KPNA2: variants seen among roughly 807,000 people sequenced by gnomAD.
KPNA2 encodes the protein importin subunit alpha-1.
A neutral mutation model predicts 53.7 loss-of-function variants in KPNA2; 20 were observed. The observed-to-expected ratio is 0.37, with a 90% CI of 0.26 to 0.54. The LOEUF (loss-of-function observed/expected upper bound fraction) is 0.54, where lower values mean the gene tolerates loss of function less well. KPNA2 is among the 20% of genes least tolerant of loss of function. The pLI is 0.83. For missense variants in KPNA2, 515 were observed against 640.3 expected (o/e 0.80, Z 2.11); for synonymous variants, 238 against 227.5 (o/e 1.05, Z -0.42).
At chr17:68,038,004 T>C (rs1413854977) in intron 3 of KPNA2, among the ~76,000 whole-genome samples, 3 of 151,908 alleles carry the variant, frequency 2.0e-5, no homozygotes, top group Non-Finnish European at 4.4e-5. Context: ...TGAGACAGAG[T>C]TTTGCTCTGT....
intron 4 of KPNA2, 82 bp from the exon 5 acceptor site, chr17:68,042,003 A>C: frequency 1.6e-6 from 2 of 1,225,178 alleles, no homozygotes; most frequent in Non-Finnish European, 2.3e-6. Flanking sequence ...TAAACTCTTG[A>C]ATTGCATTTT....
chr17:68,038,837 G>A (rs1489765453), intron 3 of KPNA2, among the ~76,000 whole-genome samples: 1 of 152,178 alleles, frequency 6.6e-6, no homozygotes, highest in Non-Finnish European at 1.5e-5. Flanking sequence ...AGGCAACATA[G>A]GAAGACCTCG....
rs782293769 is a variant in KPNA2 at position 68,045,935 on chromosome 17, G to A, written c.1497+14G>A. On this transcript the variant is annotated intron_variant, in intron 10 of 10. Coordinates refer to ENST00000330459, the MANE Select transcript of KPNA2 (RefSeq NM_002266.4). Reference sequence around the variant, plus strand: ...TTCTCTGTAGAGGTGAGTAATGGATGGTAATATTAATAACAACTTGGAAAC... The same window carrying A: ...TTCTCTGTAGAGGTGAGTAATGGATAGTAATATTAATAACAACTTGGAAAC... 15 of 1,481,950 alleles carry A rather than the reference G, an allele frequency of 1.0e-5. No homozygotes were observed. Among genetic ancestry groups the A allele is most frequent in the African/African-American group, 2.8e-5 (2 of 70,616 alleles). 91.8% of individuals were successfully genotyped at this position (1,481,950 alleles called of 1,614,324 possible).
At chr17:68,039,493 A>G (rs1555704223) in intron 3 of KPNA2, among the ~76,000 whole-genome samples, 1 of 150,902 alleles carries the variant, frequency 6.6e-6, no homozygotes, top group Non-Finnish European at 1.5e-5. Flanking sequence ...AGATATGAAA[A>G]TCCTCGGCCG....
At chr17:68,041,446 G>A (rs1467249795) in intron 4 of KPNA2, among the ~76,000 whole-genome samples, 2 of 152,116 alleles carry the variant, frequency 1.3e-5, no homozygotes, top group Non-Finnish European at 2.9e-5. Flanking sequence ...GTAATCTCAC[G>A]TGTTTGGGAG....
Position 68,042,947 on chromosome 17 carries a change from C to T in KPNA2, c.614C>T (p.Ala205Val), listed in dbSNP as rs200169734. 1.2e-6 allele frequency: 2 copies of T among 1,613,272 alleles called. No individual in the cohort carries two copies. Among genetic ancestry groups the T allele is most frequent in the East Asian group, 2.2e-5 (1 of 44,860 alleles). Residue 205 changes from alanine (A) to valine (V), a missense_variant, in exon 6 of 11, where the codon GCA becomes GTA. Ala to Val is a moderately conservative substitution (Grantham distance 64, BLOSUM62 0). Coordinates refer to ENST00000330459, the MANE Select transcript of KPNA2 (RefSeq NM_002266.4). Reference sequence around the variant, plus strand: ...CGAGACTTGGTTATTAAGTACGGTGCAGTTGACCCACTGTTGGCTCTCCTT... The same window carrying T: ...CGAGACTTGGTTATTAAGTACGGTGTAGTTGACCCACTGTTGGCTCTCCTT... ...VFRDLVIKYG[A>V]VDPLLALLAV...
intron 3 of KPNA2, among the ~76,000 whole-genome samples, chr17:68,038,386 G>A (rs1210365083): frequency 4.6e-5 from 7 of 152,158 alleles, no homozygotes; most frequent in East Asian, 1.9e-4. Context: ...GATTACAAGC[G>A]TGAGCCACCA....
chr17:68,043,132 T>C lies in KPNA2; in HGVS notation c.699T>C (p.Leu233=). 1 of 1,614,154 alleles carries C rather than the reference T, an allele frequency of 6.2e-7. No homozygotes were observed. Among genetic ancestry groups the C allele is most frequent in the Admixed American group, 1.7e-5 (1 of 60,014 alleles). Residue 233 remains leucine (L), a synonymous_variant, in exon 7 of 11, where the codon CTT becomes CTC. Transcript: ENST00000330459. ...ACTTACGTAATCTTACCTGGACACT[T>C]TCTAATCTTTGCCGCAACAAGAATC... ...CGYLRNLTWT[L]SNLCRNKNPA... is the part of the protein sequence containing the mutation.
At position 68,044,461 on chromosome 17, in the gene KPNA2, GA is replaced by G. The variant is rs2071305270; in HGVS notation, c.1306del (p.Ile436LeufsTer19). ...MNLLTAKDTK[I>X]ILVILDAISN... ...ACCTCTTAACTGCAAAAGATACCAAGATTATTCTGGTTATCCTGGATGCCAT... is the reference window on the plus strand; with the variant it reads ...ACCTCTTAACTGCAAAAGATACCAAGTTATTCTGGTTATCCTGGATGCCAT... On this transcript the variant is annotated frameshift_variant, in exon 9 of 11. Transcript: ENST00000330459. LOFTEE classifies it high-confidence loss of function. 1 of 1,613,834 alleles carries G rather than the reference GA, an allele frequency of 6.2e-7. No individual in the cohort carries two copies. Among genetic ancestry groups the G allele is most frequent in the Non-Finnish European group, 8.5e-7 (1 of 1,179,880 alleles).
intron 10 of KPNA2, among the ~76,000 whole-genome samples, chr17:68,046,186 G>A (rs1275587785): frequency 1.3e-5 from 2 of 152,142 alleles, no homozygotes; most frequent in African/African-American, 4.8e-5. Flanking sequence ...TAAGTTAACG[G>A]GTGTCATTGT....
intron 2 of KPNA2, 32 bp from the exon 3 acceptor site, chr17:68,037,326 A>T (rs1410698168): frequency 6.2e-7 from 1 of 1,604,702 alleles, no homozygotes; most frequent in Non-Finnish European, 8.5e-7. Context: ...AACTGGTGTG[A>T]TAGGTGAAAC....
rs782516472 is a variant in KPNA2, at chr17:68,037,491, A to G, written c.209A>G (p.Asn70Ser). ...ATSPLQENRNNQGTVNWSVDD... is the reference protein window; with the variant it reads ...ATSPLQENRNSQGTVNWSVDD... ...TCTCCGCTGCAGGAAAACCGCAACA[A>G]CCAGGTAAAAAATGTATTTTAGTTT... Residue 70 changes from asparagine to serine, a missense_variant, in exon 3 of 11, where the codon AAC (asparagine) becomes AGC (serine). Physicochemically the swap from Asn to Ser is conservative, Grantham distance 46. Transcript: ENST00000330459. 2 of 1,611,764 alleles carry G rather than the reference A, an allele frequency of 1.2e-6. No individual in the cohort carries two copies. Among genetic ancestry groups the G allele is most frequent in the Non-Finnish European group, 8.5e-7 (1 of 1,179,182 alleles).
intron 5 of KPNA2, among the ~76,000 whole-genome samples, 185 bp downstream of exon 5, chr17:68,042,538 C>T (rs1488616485): frequency 6.6e-6 from 1 of 152,136 alleles, no homozygotes; most frequent in Non-Finnish European, 1.5e-5. Context: ...GGAGTTTTTG[C>T]TGGTGCATTC....
intron 4 of KPNA2, among the ~76,000 whole-genome samples, chr17:68,041,716 C>G (rs1364940189): frequency 1.3e-5 from 2 of 152,034 alleles, no homozygotes; most frequent in African/African-American, 4.8e-5. Context: ...GAGTGAGATC[C>G]TATTTCAAAA....
rs368573898 is a variant in KPNA2, at chr17:68,040,781, C to T, written c.302+15C>T. On this transcript the variant is annotated intron_variant, in intron 4 of 10. Coordinates refer to ENST00000330459, the MANE Select transcript of KPNA2 (RefSeq NM_002266.4). The stretch of plus-strand genomic sequence containing the variant: ...CAAGCTGCCAGGTAAGTCTTGTCTG[C>T]GATAGCATGGGTAGCCTAAGAAATT... 3.9e-6 allele frequency: 6 copies of T among 1,542,718 alleles called. No homozygotes were observed. Among genetic ancestry groups the T allele is most frequent in the Admixed American group, 1.7e-5 (1 of 58,366 alleles).
At chr17:68,043,767 C>T (rs2071293067) in intron 7 of KPNA2, 71 bp from the exon 8 acceptor site, 1 of 954,544 alleles carries the variant, frequency 1.0e-6, no homozygotes, top group Non-Finnish European at 1.7e-6. Flanking sequence ...CTTGTTAAAA[C>T]TTTTAGGGTA....
chr17:68,045,583 C>T (rs1599144135), intron 9 of KPNA2, 189 bp from the exon 10 acceptor site: 1 of 471,154 alleles, frequency 2.1e-6, no homozygotes, highest in East Asian at 3.1e-5. Flanking sequence ...GTGCTAAAAG[C>T]AGGTACAGAT....
intron 9 of KPNA2, among the ~76,000 whole-genome samples, chr17:68,044,873 T>TC (rs1330608213): frequency 6.6e-6 from 1 of 152,114 alleles, no homozygotes; most frequent in Non-Finnish European, 1.5e-5. Context: ...GGTGGGTGGA[T>TC]CACCTGAGGT....
At chr17:68,036,585 C>G (rs2071192855) in intron 1 of KPNA2, 1 of 152,386 alleles carries the variant, frequency 6.6e-6, no homozygotes, top group Admixed American at 6.6e-5. Flanking sequence ...CCTACTTTGT[C>G]TTGAATTAAC....
Sources: allele counts gnomAD v4.1 joint callset (sites outside exome capture counted in the v4.1 genomes callset), GRCh38; gene constraint gnomAD v4.1.1; transcripts MANE v1.5; gene names NCBI Gene and HGNC (gene_info 2026-07-23, HGNC 2026-07-21).